The following EPHA6 variants were observed in gnomAD, a reference collection of about 807,000 sequenced individuals.
The protein encoded by EPHA6 is ephrin type-A receptor 6.
EPHA6 carries 50 observed loss-of-function variants against 112.0 expected under a neutral mutation model. The observed-to-expected ratio is 0.45, with a 90% CI of 0.36 to 0.56. The LOEUF is 0.56. EPHA6 is among the 20% of genes least tolerant of loss of function. EPHA6 has a pLI of 0.00. For missense variants in EPHA6, 1,280 were observed against 1,417.4 expected, an observed-to-expected ratio of 0.90 and a Z score of 1.56; for synonymous variants, 529 against 490.7, an observed-to-expected ratio of 1.08 and a Z score of -1.03.
chr3:97,450,782 G>C lies in EPHA6; in HGVS notation c.1894+2052G>C, dbSNP rs552180983. The stretch of plus-strand genomic sequence containing the variant: ...CTGGGGATAAAAAATAATAATAAGA[G>C]CTAATAGCCTATGCCTTCAAACAAG... On this transcript the variant is annotated intron_variant, in intron 7 of 17. Transcript: ENST00000389672. 4.6e-5 allele frequency among the ~76,000 whole-genome samples: 7 copies of C among 152,086 alleles called. No individual in the cohort carries two copies. In the South Asian group the frequency reaches 1.2e-3, roughly 27 times the overall value.
chr3:96,889,256 C>T (rs1575935066), intron 2 of EPHA6, among the ~76,000 whole-genome samples: 2 of 152,276 alleles, frequency 1.3e-5, no homozygotes, highest in African/African-American at 2.4e-5. Context: ...CCAACCTGTG[C>T]CTGTTACCCA....
At chr3:97,184,701 C>T (rs372757448) in intron 3 of EPHA6, among the ~76,000 whole-genome samples, 4 of 152,098 alleles carry the variant, frequency 2.6e-5, no homozygotes, top group African/African-American at 4.8e-5. Flanking sequence ...CTTCACAGAA[C>T]TGGAAAAAAC....
In EPHA6 at chr3:97,546,505, CT is replaced by C. The variant is rs540131788; in HGVS notation, c.2386+13964del. 1.5e-3 allele frequency among the ~76,000 whole-genome samples: 223 copies of C among 152,152 alleles called. 4 individuals carry two copies. Among genetic ancestry groups the C allele is most frequent in the East Asian group, 0.014 (70 of 5,172 alleles). ...CTCTGGCTGCCCTTAACATTTTTTC[CT>C]TCATTTCAACTTTGGTAAATCTGAC... On this transcript the variant is annotated intron_variant, in intron 11 of 17. Transcript: ENST00000389672.
chr3:97,481,340 G>A (rs1305342687), intron 9 of EPHA6: 1 of 1,560,486 alleles, frequency 6.4e-7, no homozygotes, highest in Non-Finnish European at 8.8e-7. Flanking sequence ...TTTCACTTGT[G>A]CAAAATATCC....
rs373760549 is a variant in EPHA6 at position 97,176,800 on chromosome 3, A to G, written c.1115-49464A>G. ...CTTCTCTTTCTTTCTTAGTGTGGCC[A>G]AAGGTTTGTCAATTTTGTTTAACTT... On this transcript the variant is annotated intron_variant, in intron 3 of 17. Transcript: ENST00000389672. Among the ~76,000 whole-genome samples the G allele has an allele frequency of 4.4e-4, 66 of 151,686 alleles. 1 individual carries two copies. The highest frequency in any genetic ancestry group is 1.6e-3 in the African/African-American group (66 of 41,378).
chr3:96,922,054 A>AG (rs1559833329), intron 2 of EPHA6, among the ~76,000 whole-genome samples: 3 of 151,250 alleles, frequency 2.0e-5, no homozygotes, highest in African/African-American at 7.4e-5. Flanking sequence ...GAGAGAGAGA[A>AG]AAAGAGAATG....
At chr3:97,636,011 T>C (rs764398647) in intron 13 of EPHA6, among the ~76,000 whole-genome samples, 4 of 152,020 alleles carry the variant, frequency 2.6e-5, no homozygotes, top group Non-Finnish European at 5.9e-5. Context: ...ATAATAACAG[T>C]AATAACAAGG....
At chr3:97,357,029 T>C (rs1263726625) in intron 5 of EPHA6, among the ~76,000 whole-genome samples, 1 of 152,214 alleles carries the variant, frequency 6.6e-6, no homozygotes, top group East Asian at 1.9e-4. Context: ...TAGTATATAA[T>C]GTCCTTCTTT....
chr3:97,570,632 A>G (rs2093323785), intron 11 of EPHA6, among the ~76,000 whole-genome samples: 1 of 152,006 alleles, frequency 6.6e-6, no homozygotes, highest in Non-Finnish European at 1.5e-5. Context: ...CTGGAGGCTG[A>G]GGCAGATAAT....
chr3:96,906,861 A>G (rs781405825), intron 2 of EPHA6, among the ~76,000 whole-genome samples: 23 of 151,982 alleles, frequency 1.5e-4, no homozygotes, highest in Non-Finnish European at 1.9e-4. Context: ...GGAAGGATGA[A>G]GAGAGGACAA....
intron 1 of EPHA6, among the ~76,000 whole-genome samples, chr3:96,843,408 C>T (rs894166558): frequency 1.3e-5 from 2 of 152,096 alleles, no homozygotes; most frequent in South Asian, 4.1e-4. Flanking sequence ...GTTTTAAATA[C>T]ATGTTTACTT....
chr3:97,554,187 C>T (rs746135404), intron 11 of EPHA6, among the ~76,000 whole-genome samples: 1 of 151,570 alleles, frequency 6.6e-6, no homozygotes, highest in Admixed American at 6.6e-5. Flanking sequence ...TTGAACAAAA[C>T]AAAAAGTATA....
At chr3:97,135,675 C>T (rs897552155) in intron 3 of EPHA6, among the ~76,000 whole-genome samples, 3 of 151,150 alleles carry the variant, frequency 2.0e-5, no homozygotes, top group Non-Finnish European at 4.4e-5. Flanking sequence ...ACAAGTTTCC[C>T]GGTGATGCCC....
chr3:96,987,893 C>G lies in EPHA6; in HGVS notation c.1014C>G (p.Asp338Glu). The change falls in exon 3 of 18, where the codon GAC (aspartate) becomes GAG (glutamate). Residue 338 changes from aspartate (D) to glutamate (E), a missense_variant. Physicochemically the swap from Asp to Glu is conservative, Grantham distance 45. Transcript: ENST00000389672. Reference protein sequence around the residue: ...GSCVKSAEERDTPKLYCGADG... With the variant: ...GSCVKSAEERETPKLYCGADG... ...GTGTGAAGAGTGCTGAAGAGCGTGA[C>G]ACTCCTAAACTGTATTGTGGAGCTG... The G allele has an allele frequency of 6.2e-7, 1 of 1,613,758 alleles. No individual in the cohort carries two copies. Among genetic ancestry groups the G allele is most frequent in the Non-Finnish European group, 8.5e-7 (1 of 1,179,794 alleles).
At chr3:97,478,426 A>G (rs1198629111) in intron 8 of EPHA6, among the ~76,000 whole-genome samples, 2 of 152,092 alleles carry the variant, frequency 1.3e-5, no homozygotes, top group Non-Finnish European at 2.9e-5. Context: ...GGATTCCTGG[A>G]GCAGAATAGA....
At chr3:97,459,404 T>C (rs2090810228) in intron 7 of EPHA6, among the ~76,000 whole-genome samples, 1 of 152,186 alleles carries the variant, frequency 6.6e-6, no homozygotes, top group Admixed American at 6.5e-5. Flanking sequence ...GGCTGCAAGC[T>C]TTGGTTAGAG....
chr3:97,735,174 T>G (rs952195968), intron 15 of EPHA6, among the ~76,000 whole-genome samples: 2 of 152,050 alleles, frequency 1.3e-5, no homozygotes, highest in African/African-American at 4.8e-5. Flanking sequence ...GTATTTCAAG[T>G]GCTCACTAAC....
chr3:97,478,780 A>G (rs568965331), intron 8 of EPHA6, among the ~76,000 whole-genome samples: 1 of 152,204 alleles, frequency 6.6e-6, no homozygotes, highest in Non-Finnish European at 1.5e-5. Context: ...AATTTGATAA[A>G]CCATCAAATC....
chr3:97,525,145 T>A (rs2092600881), intron 10 of EPHA6, among the ~76,000 whole-genome samples: 1 of 152,180 alleles, frequency 6.6e-6, no homozygotes, highest in Non-Finnish European at 1.5e-5. Flanking sequence ...GTACATTTGA[T>A]GGTGTCCCAT....
Sources: allele counts gnomAD v4.1 joint callset (sites outside exome capture counted in the v4.1 genomes callset), GRCh38; gene constraint gnomAD v4.1.1; transcripts MANE v1.5; gene names NCBI Gene and HGNC (gene_info 2026-07-23, HGNC 2026-07-21).